The following PIEZO1 variants were observed in gnomAD, a reference collection of about 807,000 sequenced individuals.
PIEZO1 encodes the protein piezo-type mechanosensitive ion channel component 1.
A neutral mutation model predicts 297.2 loss-of-function variants in PIEZO1; 296 were observed. That is an observed-to-expected ratio of 1.00 (90% CI 0.91 to 1.10). PIEZO1 has a LOEUF of 1.10. PIEZO1 is among the 50% of genes least tolerant of loss of function. PIEZO1 has a pLI of 0.00. For missense variants in PIEZO1, 5,018 were observed against 3,455.5 expected, an observed-to-expected ratio of 1.45 and a Z score of -11.34; for synonymous variants, 2,427 against 1,507.5, an observed-to-expected ratio of 1.61 and a Z score of -14.13.
chr16:88,738,721 C>A lies in PIEZO1; in HGVS notation c.481G>T (p.Asp161Tyr). 2.0e-6 allele frequency: 3 copies of A among 1,531,946 alleles called. No individual in the cohort carries two copies. Among genetic ancestry groups the A allele is most frequent in the Non-Finnish European group, 2.6e-6 (3 of 1,143,758 alleles). The allele number at this position is 1,531,946 out of a possible 1,614,324, so 94.9% of individuals were successfully genotyped here. A position where few individuals can be genotyped will look rare whatever the true frequency, so the allele number is the denominator to read the frequency against. ...HPRELDDDER[D>Y]VDASPTAGLQ... is the part of the protein sequence containing the mutation. The stretch of plus-strand genomic sequence containing the variant: ...CCTGCCGTCGGGCTGGCATCCACAT[C>A]CCTCTCATCATCATCCTGCCAAGGT... Residue 161 changes from aspartate to tyrosine, a missense_variant, in exon 6 of 51, where the codon GAT becomes TAT. Transcript: ENST00000301015.
intron 4 of PIEZO1, 145 bp from the exon 5 acceptor site, chr16:88,741,761 A>T (rs1597464977): frequency 4.0e-6 from 1 of 251,878 alleles, no homozygotes; most frequent in Non-Finnish European, 7.7e-6. Context: ...TGCGGGTGGG[A>T]GTGTGGATGG....
chr16:88,737,402 CACT>C, intron 10 of PIEZO1, 154 bp downstream of exon 10: 2 of 589,464 alleles, frequency 3.4e-6, no homozygotes, highest in Non-Finnish European at 5.9e-6. Context: ...TCTCGGGGGT[CACT>C]GACACCGACC....
chr16:88,727,497 G>A, intron 23 of PIEZO1, 60 bp downstream of exon 23: 2 of 692,788 alleles, frequency 2.9e-6, no homozygotes, highest in South Asian at 1.8e-5. Context: ...GAGCAGATTT[G>A]GGGGCGTGAA....
Position 88,765,668 on chromosome 16 carries a change from A to ATTT in PIEZO1, c.65-16192_65-16190dup, listed in dbSNP as rs397966717. Among the ~76,000 whole-genome samples, 3 of 131,752 alleles carry ATTT rather than the reference A, an allele frequency of 2.3e-5. 1 individual carries two copies. The highest frequency in any genetic ancestry group is 5.8e-5 in the African/African-American group (2 of 34,702). The allele number at this position is 131,752 out of a possible 152,430, so 86.4% of individuals were successfully genotyped here. Reference sequence around the variant, plus strand: ...TAGAGAGCCCAAGTCGTTATCTCTAATTTTTTTTTTTTTTTTTTTTGAGAC... The same window carrying ATTT: ...TAGAGAGCCCAAGTCGTTATCTCTAATTTTTTTTTTTTTTTTTTTTTTTGAGAC... On this transcript the variant is annotated intron_variant, in intron 1 of 50. Transcript: ENST00000301015.
At chr16:88,723,814 G>A in intron 31 of PIEZO1, 57 bp downstream of exon 31, 3 of 945,294 alleles carry the variant, frequency 3.2e-6, no homozygotes, top group Non-Finnish European at 5.0e-6. Context: ...TGCTGCCCTG[G>A]TCCAGGACCA....
At chr16:88,757,501 G>C (rs761400889) in intron 1 of PIEZO1, among the ~76,000 whole-genome samples, 1 of 150,302 alleles carries the variant, frequency 6.7e-6, no homozygotes, top group Non-Finnish European at 1.5e-5. Context: ...TTGAACAAGG[G>C]CTGGGGGCCA....
At chr16:88,760,205 G>A (rs1026950236) in intron 1 of PIEZO1, among the ~76,000 whole-genome samples, 5 of 152,120 alleles carry the variant, frequency 3.3e-5, no homozygotes, top group African/African-American at 1.2e-4. Context: ...ACAGACGGCT[G>A]AGCCACGGGC....
chr16:88,765,978 C>G (rs1479191454), intron 1 of PIEZO1, among the ~76,000 whole-genome samples: 1 of 152,100 alleles, frequency 6.6e-6, no homozygotes, highest in Non-Finnish European at 1.5e-5. Context: ...CGGCCGCTAT[C>G]TCCATTCTGA....
At position 88,733,630 on chromosome 16, in the gene PIEZO1, G is replaced by C; in HGVS notation, c.2445C>G (p.Phe815Leu). 3 of 1,549,592 alleles carry C rather than the reference G, an allele frequency of 1.9e-6. No homozygotes were observed. The highest frequency in any genetic ancestry group is 2.0e-5 in the Admixed American group (1 of 50,944). The change falls in exon 18 of 51, where the codon TTC becomes TTG. Residue 815 changes from phenylalanine (F) to leucine (L), a missense_variant. Coordinates refer to ENST00000301015, the MANE Select transcript of PIEZO1 (RefSeq NM_001142864.4). ...AGACGGTGTACAGGGCCACCAGCTT[G>C]AAAACGTGAAGCTCCAGCAGCCGCC... ...FLRRLLELHV[F>L]KLVALYTVWV...
rs1340812780 is a variant in PIEZO1 at position 88,738,064 on chromosome 16, G to A, written c.890C>T (p.Ser297Phe). The A allele has an allele frequency of 3.9e-6, 6 of 1,535,830 alleles. No individual in the cohort carries two copies. The East Asian group carries it at 9.8e-5, about 25-fold the overall frequency. ...GTTGAGGACCAGCGCGTGGGGGCTG[G>A]AGCAGTTGGTGGGACCCACGAAGTC... ...LKDFVGPTNC[S>F]SPHALVLNTG... Residue 297 changes from serine to phenylalanine, a missense_variant, in exon 8 of 51, where the codon TCC becomes TTC. Ser to Phe is a radical substitution (Grantham distance 155). Coordinates refer to ENST00000301015, the MANE Select transcript of PIEZO1 (RefSeq NM_001142864.4).
chr16:88,734,699 G>A lies in PIEZO1; in HGVS notation c.1948C>T (p.Gln650Ter), dbSNP rs1360888343. 6.5e-7 allele frequency: 1 copy of A among 1,550,354 alleles called. No homozygotes were observed. The highest frequency in any genetic ancestry group is 1.2e-5 in the South Asian group (1 of 84,066). Residue 650 changes from glutamine (Q) to a stop codon, truncating the protein, a stop_gained, in exon 15 of 51, where the codon CAG becomes TAG. Coordinates refer to ENST00000301015, the MANE Select transcript of PIEZO1 (RefSeq NM_001142864.4). LOFTEE classifies it high-confidence loss of function. ...VLIAVYTFQF[Q>*]DFPAYWRNLT... ...TTGCGCCAGTAGGCAGGGAAGTCCT[G>A]GAACTGGAAGGTGTAGACGGCGATG...
Position 88,733,735 on chromosome 16 carries a change from C to G in PIEZO1, c.2340G>C (p.Lys780Asn). The G allele has an allele frequency of 1.3e-6, 2 of 1,544,410 alleles. No individual in the cohort carries two copies. Among genetic ancestry groups the G allele is most frequent in the Non-Finnish European group, 1.7e-6 (2 of 1,143,644 alleles). The change falls in exon 18 of 51, where the codon AAG becomes AAC. Residue 780 changes from lysine to asparagine, a missense_variant. Transcript: ENST00000301015. Reference sequence around the variant, plus strand: ...GCAGCCGCTCAGCCACCAGGCCCCACTTGGCTGCCCCTGTGATGGTGTGAG... The same window carrying G: ...GCAGCCGCTCAGCCACCAGGCCCCAGTTGGCTGCCCCTGTGATGGTGTGAG... ...QATQVPEGAA[K>N]WGLVAERLLE...
intron 1 of PIEZO1, among the ~76,000 whole-genome samples, chr16:88,767,973 G>A (rs1473993006): frequency 6.6e-6 from 1 of 152,134 alleles, no homozygotes; most frequent in African/African-American, 2.4e-5. Flanking sequence ...CCTCCCCCGG[G>A]TCCAGACCCC....
chr16:88,724,493 T>C (rs1290412722), intron 30 of PIEZO1, among the ~76,000 whole-genome samples: 2 of 147,310 alleles, frequency 1.4e-5, no homozygotes, highest in Non-Finnish European at 3.0e-5. Flanking sequence ...ATCACGCCAT[T>C]GCACTGTAGC....
At chr16:88,759,764 G>A (rs1906841331) in intron 1 of PIEZO1, among the ~76,000 whole-genome samples, 1 of 152,204 alleles carries the variant, frequency 6.6e-6, no homozygotes, top group Non-Finnish European at 1.5e-5. Flanking sequence ...GGGGAAGCCA[G>A]CCCGCCCCCA....
rs1015048100 is a variant in PIEZO1, at chr16:88,733,618, G to T, written c.2457C>A (p.Ala819=). 16 of 1,549,218 alleles carry T rather than the reference G, an allele frequency of 1.0e-5. No individual in the cohort carries two copies. The African/African-American group carries it at 1.5e-4, about 15-fold the overall frequency. Residue 819 remains alanine, a synonymous_variant, in exon 18 of 51, where the codon GCC becomes GCA. Coordinates refer to ENST00000301015, the MANE Select transcript of PIEZO1 (RefSeq NM_001142864.4). The stretch of plus-strand genomic sequence containing the variant: ...TCAGGGCCACCCAGACGGTGTACAG[G>T]GCCACCAGCTTGAAAACGTGAAGCT... ...LLELHVFKLV[A]LYTVWVALKE...
chr16:88,732,949 C>T, intron 19 of PIEZO1: 1 of 593,102 alleles, frequency 1.7e-6, no homozygotes, highest in Non-Finnish European at 3.0e-6. Flanking sequence ...AAGAGAGGTC[C>T]AGGGAGAAGG....
chr16:88,725,227 G>C (rs1904338199), intron 29 of PIEZO1, 147 bp from the exon 30 acceptor site: 3 of 704,196 alleles, frequency 4.3e-6, no homozygotes, highest in Non-Finnish European at 6.8e-6. Flanking sequence ...ATGGGGCTCA[G>C]AGCCCATGTG....
At chr16:88,776,800 G>A (rs1907686476) in intron 1 of PIEZO1, among the ~76,000 whole-genome samples, 1 of 152,184 alleles carries the variant, frequency 6.6e-6, no homozygotes, top group Non-Finnish European at 1.5e-5. Flanking sequence ...TGCCACCCAC[G>A]GCCCCTGAGC....
Sources: gnomAD v4.1 joint callset for allele counts (sites outside exome capture counted in the v4.1 genomes callset) on GRCh38, gnomAD v4.1.1 for gene constraint, MANE v1.5 for transcripts, NCBI Gene and HGNC (gene_info 2026-07-23, HGNC 2026-07-21) for gene names.